The following MANBA variants were observed in gnomAD, a reference collection of about 807,000 sequenced individuals.
The protein encoded by MANBA is mannosidase beta.
MANBA carries 83 observed loss-of-function variants against 111.1 expected under a neutral mutation model. That is an observed-to-expected ratio of 0.75 (90% CI 0.63 to 0.90). The LOEUF is 0.90. Ranked by LOEUF, MANBA falls within the 40% of genes least tolerant of loss-of-function variation. MANBA has a pLI of 0.00. For missense variants in MANBA, 1,036 were observed against 1,069.0 expected, an observed-to-expected ratio of 0.97 and a Z score of 0.43; for synonymous variants, 370 against 378.7, an observed-to-expected ratio of 0.98 and a Z score of 0.27.
chr4:102,656,896 T>A (rs1730579747), intron 12 of MANBA, among the ~76,000 whole-genome samples: 1 of 152,054 alleles, frequency 6.6e-6, no homozygotes, highest in South Asian at 2.1e-4. Flanking sequence ...AGAAAGTAGA[T>A]TCGTAGTGCC....
intron 1 of MANBA, chr4:102,728,364 C>T (rs1722890991): frequency 7.6e-6 from 4 of 527,930 alleles, no homozygotes; most frequent in South Asian, 5.6e-5. Flanking sequence ...AGGCTTTTGC[C>T]TACACTTTGA....
intron 1 of MANBA, among the ~76,000 whole-genome samples, chr4:102,730,954 C>G (rs532488382): frequency 2.6e-5 from 4 of 152,102 alleles, no homozygotes; most frequent in African/African-American, 9.7e-5. Context: ...ACATCTCACA[C>G]GCTCCACCTC....
intron 4 of MANBA, among the ~76,000 whole-genome samples, chr4:102,715,254 G>A (rs897713227): frequency 5.9e-5 from 9 of 152,030 alleles, no homozygotes; most frequent in Non-Finnish European, 8.8e-5. Context: ...GCAGCTCTGC[G>A]GAGAGACCCA....
intron 1 of MANBA, among the ~76,000 whole-genome samples, chr4:102,739,027 G>A (rs917315958): frequency 2.4e-4 from 37 of 151,988 alleles, no homozygotes; most frequent in African/African-American, 3.9e-4. Context: ...AAACTGGCTC[G>A]GTGAAAAGAT....
At chr4:102,688,413 ACAC>A (rs1732321260) in intron 7 of MANBA, among the ~76,000 whole-genome samples, 1 of 151,850 alleles carries the variant, frequency 6.6e-6, no homozygotes, top group Non-Finnish European at 1.5e-5. Flanking sequence ...ACACACACAC[ACAC>A]ATTCACAGTG....
chr4:102,715,613 A>T (rs537886543), intron 4 of MANBA, among the ~76,000 whole-genome samples: 14 of 152,244 alleles, frequency 9.2e-5, no homozygotes, highest in Admixed American at 7.2e-4. Flanking sequence ...CCTAGTACCC[A>T]TTAGTTATTT....
At chr4:102,653,844 C>T (rs956367775) in intron 12 of MANBA, among the ~76,000 whole-genome samples, 1 of 152,008 alleles carries the variant, frequency 6.6e-6, no homozygotes, top group South Asian at 2.1e-4. Flanking sequence ...CTTTCTAAAG[C>T]GTGGTGAAAA....
chr4:102,751,816 G>C, intron 1 of MANBA: 1 of 510,708 alleles, frequency 2.0e-6, no homozygotes, highest in Non-Finnish European at 4.0e-6. Context: ...GTTGGACATA[G>C]GGATGTCTTA....
intron 5 of MANBA, among the ~76,000 whole-genome samples, chr4:102,699,477 T>A (rs1234579222): frequency 0.024 from 3,597 of 150,410 alleles, 90 homozygotes; most frequent in African/African-American, 0.067. Flanking sequence ...CCATTCAGTA[T>A]GATATTGGCT....
chr4:102,687,965 C>A (rs940813001), intron 7 of MANBA, among the ~76,000 whole-genome samples: 1 of 152,160 alleles, frequency 6.6e-6, no homozygotes, highest in Non-Finnish European at 1.5e-5. Flanking sequence ...GGCAGTTAAA[C>A]ATCCTCCTTA....
At chr4:102,664,879 T>G in intron 10 of MANBA, 27 bp from the exon 11 acceptor site, 2 of 1,536,616 alleles carry the variant, frequency 1.3e-6, no homozygotes, top group Non-Finnish European at 1.8e-6. Flanking sequence ...CATAAAATGA[T>G]TTTCAAAGAG....
intron 9 of MANBA, 119 bp downstream of exon 9, chr4:102,671,162 C>A: frequency 1.3e-6 from 1 of 754,418 alleles, no homozygotes; most frequent in Admixed American, 1.8e-5. Context: ...ATTCCTATAG[C>A]CCCAAATGGA....
At chr4:102,643,156 T>C (rs536033934) in intron 13 of MANBA, among the ~76,000 whole-genome samples, 11 of 152,178 alleles carry the variant, frequency 7.2e-5, no homozygotes, top group Non-Finnish European at 1.3e-4. Flanking sequence ...CTTAATCTAC[T>C]TCCTCTGTTC....
At chr4:102,684,878 A>G (rs1035599013) in intron 7 of MANBA, among the ~76,000 whole-genome samples, 44 of 152,208 alleles carry the variant, frequency 2.9e-4, no homozygotes, top group African/African-American at 1.1e-3. Flanking sequence ...ACAGTGAGCA[A>G]TTTAAAACTC....
rs73836814 is a variant in MANBA, at chr4:102,676,273, A to G, written c.961-2203T>C. On this transcript the variant is annotated intron_variant, in intron 7 of 16. Coordinates refer to ENST00000647097, the MANE Select transcript of MANBA (RefSeq NM_005908.4). ...TGTCTCATTGAGACAAATCATTCAC[A>G]GTATGAAGAAAAGAGAATTGAATAT... Among the ~76,000 whole-genome samples, 1,407 of 152,312 alleles carry G rather than the reference A, an allele frequency of 9.2e-3. 28 individuals carry two copies. Among genetic ancestry groups the G allele is most frequent in the African/African-American group, 0.032 (1,335 of 41,554 alleles).
intron 1 of MANBA, among the ~76,000 whole-genome samples, chr4:102,733,461 C>T (rs1002110924): frequency 9.2e-5 from 14 of 152,128 alleles, no homozygotes; most frequent in Admixed American, 2.6e-4. Flanking sequence ...TCAAGCAACC[C>T]TCCCAGCTCA....
chr4:102,693,513 C>T (rs946851865), intron 5 of MANBA, among the ~76,000 whole-genome samples: 4 of 152,176 alleles, frequency 2.6e-5, no homozygotes, highest in Admixed American at 6.5e-5. Context: ...AGCCAGGAAA[C>T]GAGCCCTCAC....
chr4:102,733,954 A>G (rs1384089931), intron 1 of MANBA, among the ~76,000 whole-genome samples: 2 of 152,266 alleles, frequency 1.3e-5, no homozygotes, highest in Non-Finnish European at 2.9e-5. Context: ...GGTTAAGCAG[A>G]GGAGAAGAAT....
intron 1 of MANBA, chr4:102,729,463 G>T: frequency 7.7e-7 from 1 of 1,291,324 alleles, no homozygotes; most frequent in Non-Finnish European, 1.1e-6. Context: ...CGAGATCTGG[G>T]ACTGCAGCTC....
Sources: allele counts gnomAD v4.1 joint callset (sites outside exome capture counted in the v4.1 genomes callset), GRCh38; gene constraint gnomAD v4.1.1; transcripts MANE v1.5; gene names NCBI Gene and HGNC (gene_info 2026-07-23, HGNC 2026-07-21).